The following NELL1 variants were observed in gnomAD, a reference collection of about 807,000 sequenced individuals.
NELL1 encodes the protein protein kinase C-binding protein NELL1.
A neutral mutation model predicts 107.4 loss-of-function variants in NELL1; 76 were observed. The observed-to-expected ratio is 0.71, with a 90% CI of 0.59 to 0.86. The LOEUF (loss-of-function observed/expected upper bound fraction) is 0.86, where lower values mean the gene tolerates loss of function less well. NELL1 is among the 40% of genes least tolerant of loss of function. NELL1 has a pLI of 0.00. For missense variants in NELL1, 1,024 were observed against 1,005.5 expected (o/e 1.02, Z -0.25); for synonymous variants, 353 against 341.2 (o/e 1.03, Z -0.38).
chr11:21,535,142 T>A (rs553718184), intron 16 of NELL1, among the ~76,000 whole-genome samples: 3 of 152,332 alleles, frequency 2.0e-5, no homozygotes, highest in African/African-American at 7.2e-5. Context: ...TCTCTTCTTG[T>A]GGTTCTGTTA....
chr11:21,035,485 A>T (rs556480123), intron 12 of NELL1, among the ~76,000 whole-genome samples: 58 of 152,086 alleles, frequency 3.8e-4, no homozygotes, highest in African/African-American at 7.5e-4. Context: ...AAAAAAAAAA[A>T]AAATAAAACT....
intron 3 of NELL1, among the ~76,000 whole-genome samples, chr11:20,786,166 A>G (rs1245422409): frequency 6.6e-6 from 1 of 151,770 alleles, no homozygotes; most frequent in East Asian, 2.0e-4. Context: ...GCTGACCGAC[A>G]TGGTGAAACC....
intron 13 of NELL1, among the ~76,000 whole-genome samples, chr11:21,206,939 A>G (rs983465280): frequency 1.1e-4 from 17 of 152,200 alleles, no homozygotes; most frequent in Admixed American, 9.8e-4. Flanking sequence ...CTCTCTTCAC[A>G]GTAGAGAGAC....
At chr11:20,807,054 GTTTTTT>G (rs113224546) in intron 3 of NELL1, among the ~76,000 whole-genome samples, 1 of 143,466 alleles carries the variant, frequency 7.0e-6, no homozygotes. Context: ...GCATTATTTA[GTTTTTT>G]TTTTTTTTGT....
chr11:21,492,087 A>C (rs575530417), intron 15 of NELL1, among the ~76,000 whole-genome samples: 2 of 152,202 alleles, frequency 1.3e-5, no homozygotes, highest in South Asian at 2.1e-4. Context: ...GGGTGAAGGA[A>C]ATGAACAGAC....
chr11:21,434,439 G>A (rs1350555419), intron 15 of NELL1, among the ~76,000 whole-genome samples: 1 of 152,060 alleles, frequency 6.6e-6, no homozygotes, highest in African/African-American at 2.4e-5. Flanking sequence ...TGCATTTATT[G>A]AACAGGGTGC....
intron 13 of NELL1, among the ~76,000 whole-genome samples, chr11:21,208,982 T>G (rs1857444577): frequency 6.6e-6 from 1 of 152,146 alleles, no homozygotes; most frequent in Non-Finnish European, 1.5e-5. Flanking sequence ...AATAACTTTT[T>G]GGGCTAGATA....
intron 12 of NELL1, among the ~76,000 whole-genome samples, chr11:21,015,642 G>T (rs1852547271): frequency 6.6e-6 from 1 of 152,038 alleles, no homozygotes; most frequent in Non-Finnish European, 1.5e-5. Flanking sequence ...TGGTAATGGA[G>T]TGTAGGGCCC....
intron 15 of NELL1, among the ~76,000 whole-genome samples, chr11:21,430,593 C>G (rs769594116): frequency 2.0e-5 from 3 of 152,096 alleles, no homozygotes; most frequent in Non-Finnish European, 2.9e-5. Flanking sequence ...ACCTCAGATA[C>G]GCATTTAATC....
chr11:21,363,841 T>C (rs1157756190), intron 14 of NELL1, among the ~76,000 whole-genome samples: 1 of 152,184 alleles, frequency 6.6e-6, no homozygotes, highest in African/African-American at 2.4e-5. Flanking sequence ...TCCCTAAGAA[T>C]CTCACAGTCT....
At chr11:21,233,247 A>G (rs1858111912) in intron 14 of NELL1, among the ~76,000 whole-genome samples, 1 of 152,188 alleles carries the variant, frequency 6.6e-6, no homozygotes, top group African/African-American at 2.4e-5. Context: ...GTGTATTCAT[A>G]TATATGTTAT....
intron 14 of NELL1, among the ~76,000 whole-genome samples, chr11:21,316,638 G>A (rs1184044053): frequency 2.0e-5 from 3 of 152,098 alleles, no homozygotes; most frequent in Admixed American, 2.0e-4. Flanking sequence ...TGATCCTGGG[G>A]ACTCAACAGT....
At chr11:20,847,088 A>G (rs1025568455) in intron 3 of NELL1, among the ~76,000 whole-genome samples, 4 of 152,228 alleles carry the variant, frequency 2.6e-5, no homozygotes, top group African/African-American at 4.8e-5. Context: ...TTATTCAATT[A>G]TATCTTTTTG....
At chr11:21,337,096 C>G (rs1850419658) in intron 14 of NELL1, among the ~76,000 whole-genome samples, 1 of 152,022 alleles carries the variant, frequency 6.6e-6, no homozygotes, top group African/African-American at 2.4e-5. Context: ...GCTAGTTAGG[C>G]TTTTCTTAAT....
chr11:20,854,072 T>A (rs2134065193), intron 4 of NELL1, among the ~76,000 whole-genome samples: 1 of 152,162 alleles, frequency 6.6e-6, no homozygotes, highest in South Asian at 2.1e-4. Context: ...GGATGTAAAG[T>A]TTTGACTTTA....
intron 3 of NELL1, among the ~76,000 whole-genome samples, chr11:20,818,573 G>A (rs1287042659): frequency 6.6e-6 from 1 of 152,144 alleles, no homozygotes; most frequent in Admixed American, 6.5e-5. Flanking sequence ...ATTTGAACTG[G>A]TGAGTTATCT....
intron 15 of NELL1, among the ~76,000 whole-genome samples, chr11:21,483,990 C>CACATATATAT (rs1854559074): frequency 6.8e-5 from 6 of 88,400 alleles, no homozygotes; most frequent in Non-Finnish European, 6.5e-5. Flanking sequence ...TTTTACTTAA[C>CACATATATAT]ATATATATAT....
At position 21,454,000 on chromosome 11, in the gene NELL1, C is replaced by T. The variant is rs576027963; in HGVS notation, c.1646-80374C>T. Among the ~76,000 whole-genome samples, 20 of 149,604 alleles carry T rather than the reference C, an allele frequency of 1.3e-4. No homozygotes were observed. In the South Asian group the frequency reaches 3.9e-3, roughly 29 times the overall value. On this transcript the variant is annotated intron_variant, in intron 15 of 19. Transcript: ENST00000357134. ...TGTGCAGGTTAGTTACATATGTATA[C>T]ATGTGCCATGCTGGTGCGCTGCACC...
At chr11:21,558,530 T>C (rs967969274) in intron 16 of NELL1, among the ~76,000 whole-genome samples, 1 of 151,984 alleles carries the variant, frequency 6.6e-6, no homozygotes, top group South Asian at 2.1e-4. Flanking sequence ...AATTTATTCC[T>C]TCTATTTAAC....
Sources: allele counts gnomAD v4.1 joint callset (sites outside exome capture counted in the v4.1 genomes callset), GRCh38; gene constraint gnomAD v4.1.1; transcripts MANE v1.5; gene names NCBI Gene and HGNC (gene_info 2026-07-23, HGNC 2026-07-21).